ANKS1B: variants seen among roughly 807,000 people sequenced by gnomAD.
ANKS1B encodes ankyrin repeat and sterile alpha motif domain containing 1B.
ANKS1B carries 36 observed loss-of-function variants against 148.3 expected under a neutral mutation model. The observed-to-expected ratio is 0.24, with a 90% CI of 0.19 to 0.32. The LOEUF (loss-of-function observed/expected upper bound fraction) is 0.32, where lower values mean the gene tolerates loss of function less well. Ranked by LOEUF, ANKS1B falls within the 10% of genes least tolerant of loss-of-function variation. The probability of loss-of-function intolerance (pLI) is 1.00; values close to 1 mark genes in which losing one functional copy is unlikely to be tolerated. For missense variants in ANKS1B, 1,157 were observed against 1,542.6 expected, an observed-to-expected ratio of 0.75 and a Z score of 4.19; for synonymous variants, 542 against 560.8, an observed-to-expected ratio of 0.97 and a Z score of 0.47.
At chr12:99,961,215 T>C (rs559938457) in intron 1 of ANKS1B, among the ~76,000 whole-genome samples, 1 of 149,844 alleles carries the variant, frequency 6.7e-6, no homozygotes, top group South Asian at 2.1e-4. Context: ...GGCAGCAGAG[T>C]GAGACTCCCT....
chr12:99,947,341 T>C (rs960480111), intron 1 of ANKS1B, among the ~76,000 whole-genome samples: 1 of 151,670 alleles, frequency 6.6e-6, no homozygotes, highest in Non-Finnish European at 1.5e-5. Context: ...ATCTGAGGTC[T>C]CTAAGTTTAC....
At chr12:99,533,584 TG>T (rs2097026787) in intron 9 of ANKS1B, among the ~76,000 whole-genome samples, 1 of 152,238 alleles carries the variant, frequency 6.6e-6, no homozygotes. Flanking sequence ...ATAGAAGTGA[TG>T]AAAGTGGGCA....
chr12:98,937,520 T>C (rs940725772), intron 17 of ANKS1B, among the ~76,000 whole-genome samples: 1 of 152,076 alleles, frequency 6.6e-6, no homozygotes, highest in Non-Finnish European at 1.5e-5. Flanking sequence ...TGCCAGAGAC[T>C]CCTGAAACCT....
intron 11 of ANKS1B, among the ~76,000 whole-genome samples, chr12:99,404,219 G>A (rs1200117644): frequency 6.9e-6 from 1 of 145,590 alleles, no homozygotes; most frequent in South Asian, 2.1e-4. Context: ...AATAACTAAT[G>A]GGTACTAGGC....
intron 14 of ANKS1B, among the ~76,000 whole-genome samples, chr12:99,224,360 G>A (rs2085556161): frequency 1.3e-5 from 2 of 152,170 alleles, no homozygotes; most frequent in South Asian, 4.1e-4. Context: ...CCCCAGTGTT[G>A]GAGGTAGGGT....
intron 9 of ANKS1B, chr12:99,648,471 G>C: frequency 1.2e-6 from 2 of 1,614,150 alleles, no homozygotes; most frequent in Non-Finnish European, 1.7e-6. Context: ...ACAATGCCAG[G>C]TGTGGTCCTG....
chr12:99,854,141 A>G (rs1002986286), intron 1 of ANKS1B, among the ~76,000 whole-genome samples: 27 of 152,264 alleles, frequency 1.8e-4, no homozygotes, highest in Non-Finnish European at 1.2e-4. Context: ...CCTCCCGAGT[A>G]GCTGGGACTA....
chr12:99,557,235 T>C (rs1191073425), intron 9 of ANKS1B, among the ~76,000 whole-genome samples: 1 of 152,220 alleles, frequency 6.6e-6, no homozygotes, highest in African/African-American at 2.4e-5. Context: ...GTTGGAAACA[T>C]TTTCATGAAT....
intron 12 of ANKS1B, among the ~76,000 whole-genome samples, chr12:99,278,467 A>T (rs1336552732): frequency 6.6e-6 from 1 of 152,206 alleles, no homozygotes; most frequent in Non-Finnish European, 1.5e-5. Context: ...TATTTATCTT[A>T]ACTAATATGG....
intron 12 of ANKS1B, among the ~76,000 whole-genome samples, chr12:99,388,414 T>G (rs901943293): frequency 6.6e-6 from 1 of 152,170 alleles, no homozygotes; most frequent in Non-Finnish European, 1.5e-5. Flanking sequence ...GTGACAGTTT[T>G]AAAATCCTTC....
At chr12:99,665,355 CAAT>C (rs1355802711) in intron 8 of ANKS1B, among the ~76,000 whole-genome samples, 1 of 152,154 alleles carries the variant, frequency 6.6e-6, no homozygotes, top group African/African-American at 2.4e-5. Flanking sequence ...AGAATTATCA[CAAT>C]AATAGTACTT....
At chr12:99,601,363 C>G (rs1307194963) in intron 9 of ANKS1B, among the ~76,000 whole-genome samples, 1 of 151,904 alleles carries the variant, frequency 6.6e-6, no homozygotes, top group African/African-American at 2.4e-5. Context: ...ACTATCTTTG[C>G]TTTAATAACT....
In ANKS1B at chr12:99,407,458, T is replaced by C. The variant is rs1213963557; in HGVS notation, c.1576-7647A>G. On this transcript the variant is annotated intron_variant, in intron 11 of 26. Transcript: ENST00000683438. The stretch of plus-strand genomic sequence containing the variant: ...AGCCTTTCCTCTAAGACCTGGAACT[T>C]GACAAGGACGCCCACTTTCAGCACT... Among the ~76,000 whole-genome samples the C allele has an allele frequency of 3.4e-5, 5 of 145,480 alleles. 1 individual carries two copies. The highest frequency in any genetic ancestry group is 1.3e-4 in the African/African-American group (5 of 38,298).
chr12:99,282,771 G>C (rs2078645799), intron 12 of ANKS1B, among the ~76,000 whole-genome samples: 1 of 152,204 alleles, frequency 6.6e-6, no homozygotes, highest in African/African-American at 2.4e-5. Flanking sequence ...GAACAAGGAA[G>C]AGGTTTTATG....
At chr12:98,966,647 C>T (rs1411139940) in intron 17 of ANKS1B, among the ~76,000 whole-genome samples, 1 of 152,048 alleles carries the variant, frequency 6.6e-6, no homozygotes, top group East Asian at 1.9e-4. Flanking sequence ...TTGGAACCAA[C>T]CAAAATGTCC....
intron 14 of ANKS1B, among the ~76,000 whole-genome samples, chr12:99,181,702 A>G (rs2153858377): frequency 6.6e-6 from 1 of 152,170 alleles, no homozygotes; most frequent in South Asian, 2.1e-4. Flanking sequence ...TATGGGGTAT[A>G]TGAGATTTTT....
rs56397569 is a variant in ANKS1B at position 99,026,621 on chromosome 12, TAA to T, written c.2778+26534_2778+26535del. 3.2e-4 allele frequency among the ~76,000 whole-genome samples: 49 copies of T among 151,114 alleles called. 2 individuals are homozygous for T. The highest frequency in any genetic ancestry group is 2.9e-3 in the East Asian group (15 of 5,132). On this transcript the variant is annotated intron_variant, in intron 17 of 26. Coordinates refer to ENST00000683438, the MANE Select transcript of ANKS1B (RefSeq NM_001352186.2). ...TCTAGTTCAGAAATGCATTAAAAAT[TAA>T]AAAAAAAAAATCTAGATTTTTCAGA... is the stretch of plus-strand genomic sequence containing the variant.
intron 12 of ANKS1B, among the ~76,000 whole-genome samples, chr12:99,319,408 C>T (rs1189303908): frequency 2.6e-5 from 4 of 152,054 alleles, no homozygotes; most frequent in Admixed American, 2.0e-4. Flanking sequence ...TGAATTGATC[C>T]CTTTACCATT....
intron 12 of ANKS1B, among the ~76,000 whole-genome samples, chr12:99,358,153 C>T (rs1020010127): frequency 1.3e-5 from 2 of 151,938 alleles, no homozygotes; most frequent in Non-Finnish European, 2.9e-5. Context: ...AATTTTCATA[C>T]ACTGCTTTGT....
Sources: gnomAD v4.1 joint callset for allele counts (sites outside exome capture counted in the v4.1 genomes callset) on GRCh38, gnomAD v4.1.1 for gene constraint, MANE v1.5 for transcripts, NCBI Gene and HGNC (gene_info 2026-07-23, HGNC 2026-07-21) for gene names.